CALU: variants seen among roughly 807,000 people sequenced by gnomAD.
CALU encodes the protein IEF SSP 9302.
In CALU, 13 loss-of-function variants were observed where a neutral mutation model predicts 37.5. The observed-to-expected ratio is 0.35, with a 90% confidence interval of 0.23 to 0.55. The LOEUF is 0.55. Ranked by LOEUF, CALU falls within the 20% of genes least tolerant of loss-of-function variation. The probability of loss-of-function intolerance (pLI) is 0.89; values close to 1 mark genes in which losing one functional copy is unlikely to be tolerated. For synonymous variants in CALU, 114 were observed against 133.8 expected (o/e 0.85, Z 1.02); for missense variants, 282 against 391.7 (o/e 0.72, Z 2.36).
chr7:128,748,164 C>A, intron 1 of CALU: 1 of 483,978 alleles, frequency 2.1e-6, no homozygotes, highest in South Asian at 3.8e-5. Flanking sequence ...TAATAACCAG[C>A]CATGTTTGAA....
chr7:128,768,863 A>AAAAAAAAAC (rs1554368156), intron 6 of CALU, among the ~76,000 whole-genome samples, 200 bp from the exon 7 acceptor site: 2 of 147,932 alleles, frequency 1.4e-5, no homozygotes, highest in African/African-American at 5.2e-5. Flanking sequence ...AAAAAAAAAA[A>AAAAAAAAAC]AAAAACAAGG....
In CALU at chr7:128,754,344, A is replaced by G; in HGVS notation, c.304A>G (p.Lys102Glu). ...ELKDWIKFAQ[K>E]RWIYEDVERQ... is the part of the protein sequence containing the mutation. Reference sequence around the variant, plus strand: ...CAAAGACTGGATTAAATTTGCACAAAAGCGCTGGATTTACGAGGATGTAGA... The same window carrying G: ...CAAAGACTGGATTAAATTTGCACAAGAGCGCTGGATTTACGAGGATGTAGA... The change falls in exon 3 of 7, where the codon AAG (lysine) becomes GAG (glutamate). Residue 102 changes from lysine (K) to glutamate (E), a missense_variant. By Grantham distance (56) the Lys-to-Glu change is moderately conservative (BLOSUM62 1). Transcript: ENST00000249364. The G allele has an allele frequency of 6.2e-7, 1 of 1,614,148 alleles. No homozygotes were observed. Among genetic ancestry groups the G allele is most frequent in the Non-Finnish European group, 8.5e-7 (1 of 1,179,996 alleles).
chr7:128,743,845 T>C (rs928537913), intron 1 of CALU, among the ~76,000 whole-genome samples: 2 of 151,888 alleles, frequency 1.3e-5, no homozygotes, highest in Non-Finnish European at 2.9e-5. Flanking sequence ...GTGAGGAAAA[T>C]GAGAAGGGCC....
intron 6 of CALU, among the ~76,000 whole-genome samples, chr7:128,768,591 C>A (rs1392334923): frequency 6.6e-6 from 1 of 152,152 alleles, no homozygotes; most frequent in Non-Finnish European, 1.5e-5. Flanking sequence ...GTAATCCCAG[C>A]ACTTTGGGAG....
chr7:128,760,962 C>T (rs1801092219), intron 5 of CALU, among the ~76,000 whole-genome samples: 1 of 152,008 alleles, frequency 6.6e-6, no homozygotes, highest in Non-Finnish European at 1.5e-5. Flanking sequence ...ATAGGGAAAC[C>T]CAGGGAAAGG....
chr7:128,765,464 A>G (rs957872161), intron 5 of CALU, among the ~76,000 whole-genome samples: 3 of 152,162 alleles, frequency 2.0e-5, no homozygotes, highest in Admixed American at 6.5e-5. Flanking sequence ...TCTATTTGTT[A>G]GATTCATTTG....
At chr7:128,752,903 T>G (rs1800733034) in intron 2 of CALU, among the ~76,000 whole-genome samples, 1 of 152,174 alleles carries the variant, frequency 6.6e-6, no homozygotes, top group Non-Finnish European at 1.5e-5. Context: ...CAGGCTGGTC[T>G]CGAATTCCTC....
intron 3 of CALU, among the ~76,000 whole-genome samples, chr7:128,755,189 C>T (rs1585009707): frequency 6.6e-6 from 1 of 151,000 alleles, no homozygotes; most frequent in Non-Finnish European, 1.5e-5. Context: ...GTGGCACACA[C>T]CTGTCCTAGA....
chr7:128,758,892 G>A lies in CALU; in HGVS notation c.437G>A (p.Gly146Glu). ...CTAGATGATCCAGATCCTGATGATG[G>A]ATTTAACTATAAACAGATGATGGTT... is the stretch of plus-strand genomic sequence containing the variant. ...YVLDDPDPDD[G>E]FNYKQMMVRD... is the part of the protein sequence containing the mutation. Residue 146 changes from glycine (G) to glutamate (E), a missense_variant, in exon 4 of 7, where the codon GGA (glycine) becomes GAA (glutamate). Transcript: ENST00000249364. 1 of 1,613,460 alleles carries A rather than the reference G, an allele frequency of 6.2e-7. No individual in the cohort carries two copies. Among genetic ancestry groups the A allele is most frequent in the Non-Finnish European group, 8.5e-7 (1 of 1,179,640 alleles).
chr7:128,762,770 G>A (rs977374312), intron 5 of CALU, among the ~76,000 whole-genome samples: 5 of 152,182 alleles, frequency 3.3e-5, no homozygotes, highest in Non-Finnish European at 5.9e-5. Flanking sequence ...AGGTTCAGGC[G>A]ATTCTTGTGC....
At chr7:128,756,023 A>C (rs768255496) in intron 3 of CALU, among the ~76,000 whole-genome samples, 36 of 152,206 alleles carry the variant, frequency 2.4e-4, no homozygotes, top group Admixed American at 6.5e-4. Context: ...CTAAGACTAA[A>C]GTGGCACTCT....
At chr7:128,764,242 A>T (rs1050182098) in intron 5 of CALU, among the ~76,000 whole-genome samples, 7 of 152,028 alleles carry the variant, frequency 4.6e-5, no homozygotes, top group Admixed American at 3.3e-4. Flanking sequence ...AACCTGGACA[A>T]CATGGCGCAA....
chr7:128,760,885 G>A (rs977665672), intron 5 of CALU, among the ~76,000 whole-genome samples: 2 of 152,202 alleles, frequency 1.3e-5, no homozygotes, highest in Non-Finnish European at 2.9e-5. Flanking sequence ...TCCAGCCGGG[G>A]CTACAGAGCG....
chr7:128,756,860 G>GAGTC (rs2128880642), intron 3 of CALU, among the ~76,000 whole-genome samples: 1 of 152,286 alleles, frequency 6.6e-6, no homozygotes, highest in East Asian at 1.9e-4. Context: ...AAGGTTGCTT[G>GAGTC]AGTCCGGGAA....
At chr7:128,767,052 A>G (rs890814471) in intron 5 of CALU, among the ~76,000 whole-genome samples, 1 of 152,162 alleles carries the variant, frequency 6.6e-6, no homozygotes, top group Non-Finnish European at 1.5e-5. Context: ...GTCCCAACTG[A>G]AGGCCACTGG....
chr7:128,748,322 TTAACTA>T (rs1444357432), intron 1 of CALU: 4 of 1,439,634 alleles, frequency 2.8e-6, no homozygotes, highest in African/African-American at 2.9e-5. Flanking sequence ...AGTGGACATT[TTAACTA>T]TAAGTTTCTT....
At chr7:128,740,992 C>T (rs1434809401) in intron 1 of CALU, among the ~76,000 whole-genome samples, 3 of 152,134 alleles carry the variant, frequency 2.0e-5, no homozygotes, top group African/African-American at 7.2e-5. Flanking sequence ...CCTCAGCCTC[C>T]CAAGTAGCTG....
chr7:128,748,165 C>A (rs1800519266), intron 1 of CALU: 2 of 484,400 alleles, frequency 4.1e-6, no homozygotes, highest in Admixed American at 3.9e-5. Flanking sequence ...AATAACCAGC[C>A]ATGTTTGAAG....
At chr7:128,743,079 A>G (rs929944667) in intron 1 of CALU, among the ~76,000 whole-genome samples, 6 of 152,192 alleles carry the variant, frequency 3.9e-5, no homozygotes, top group South Asian at 2.1e-4. Flanking sequence ...ACCAATCGCA[A>G]TTCACACTAG....
Sources: gnomAD v4.1 joint callset for allele counts (sites outside exome capture counted in the v4.1 genomes callset) on GRCh38, gnomAD v4.1.1 for gene constraint, MANE v1.5 for transcripts, NCBI Gene and HGNC (gene_info 2026-07-23, HGNC 2026-07-21) for gene names.